Variants in SYNE1 observed in about 807,000 individuals in gnomAD.
SYNE1 encodes spectrin repeat containing nuclear envelope protein 1.
SYNE1 carries 616 observed loss-of-function variants against 1,111.0 expected under a neutral mutation model. That is an observed-to-expected ratio of 0.55 (90% CI 0.52 to 0.59). The LOEUF is 0.59. Ranked by LOEUF, SYNE1 falls within the 20% of genes least tolerant of loss-of-function variation. The pLI is 0.00. For missense variants in SYNE1, 10,006 were observed against 10,417.0 expected (o/e 0.96, Z 1.72); for synonymous variants, 3,855 against 3,825.8 (o/e 1.01, Z -0.28).
At chr6:152,480,595 A>G (rs776050535) in intron 14 of SYNE1, among the ~76,000 whole-genome samples, 3 of 152,214 alleles carry the variant, frequency 2.0e-5, no homozygotes, top group Non-Finnish European at 4.4e-5. Context: ...ATATTTTTCA[A>G]TAAATGAGAA....
Position 152,331,445 on chromosome 6 carries a change from C to A in SYNE1, c.13240G>T (p.Asp4414Tyr), listed in dbSNP as rs769887942. The A allele has an allele frequency of 3.7e-6, 6 of 1,614,208 alleles. No individual in the cohort carries two copies. The East Asian group carries it at 1.1e-4, about 30-fold the overall frequency. The change falls in exon 78 of 146, where the codon GAT becomes TAT. Residue 4414 changes from aspartate to tyrosine, a missense_variant. By Grantham distance (160) the Asp-to-Tyr change is radical. Around this residue, in one of 7 missense-constraint regions of SYNE1, gnomAD observed 4,955 missense variants for 5,017.2 expected, o/e 0.99. Transcript: ENST00000367255. ...ACCTGTCGCTCATTGAGACCAAGATCTGCCATGACCCTGTCTGCGTCCTTT... is the reference window on the plus strand; with the variant it reads ...ACCTGTCGCTCATTGAGACCAAGATATGCCATGACCCTGTCTGCGTCCTTT... ...LIKDADRVMA[D>Y]LGLNERQVIQ...
Position 152,346,793 on chromosome 6 carries a change from G to A in SYNE1, c.12078+266C>T, listed in dbSNP as rs1450546615. Among the ~76,000 whole-genome samples the A allele has an allele frequency of 3.9e-5, 6 of 152,246 alleles. 1 individual carries two copies. The highest frequency in any genetic ancestry group is 3.9e-4 in the East Asian group (2 of 5,132). On this transcript the variant is annotated intron_variant, in intron 73 of 145. Transcript: ENST00000367255. ...CCACTGCACTCCAGCCTGTGCGACA[G>A]AGTGAGACTCCGTCTCAAACAAAAC...
intron 104 of SYNE1, among the ~76,000 whole-genome samples, chr6:152,253,286 A>G (rs542752484): frequency 1.2e-4 from 19 of 152,320 alleles, no homozygotes; most frequent in African/African-American, 4.3e-4. Context: ...CACTGAAGTA[A>G]TTTAATCTTT....
intron 3 of SYNE1, among the ~76,000 whole-genome samples, chr6:152,627,946 T>G (rs529802092): frequency 4.0e-4 from 58 of 146,138 alleles, no homozygotes; most frequent in African/African-American, 1.5e-3. Context: ...GTCACTGGTA[T>G]TATTGAACAA....
At chr6:152,172,566 C>T (rs905447212) in intron 130 of SYNE1, among the ~76,000 whole-genome samples, 17 of 152,138 alleles carry the variant, frequency 1.1e-4, no homozygotes, top group African/African-American at 7.2e-5. Flanking sequence ...GTTACTAATT[C>T]GTTGTCTGTG....
chr6:152,182,592 T>C (rs1236543178), intron 128 of SYNE1, among the ~76,000 whole-genome samples: 1 of 152,238 alleles, frequency 6.6e-6, no homozygotes, highest in Non-Finnish European at 1.5e-5. Context: ...ATTTCCTTTT[T>C]AAAATGAAAA....
At chr6:152,193,659 T>C (rs886445532) in intron 127 of SYNE1, among the ~76,000 whole-genome samples, 5 of 152,158 alleles carry the variant, frequency 3.3e-5, no homozygotes, top group Admixed American at 3.3e-4. Context: ...TGTCTATATA[T>C]TGAAAAGTTG....
intron 130 of SYNE1, among the ~76,000 whole-genome samples, chr6:152,173,047 T>C (rs571536131): frequency 2.6e-5 from 4 of 152,344 alleles, no homozygotes; most frequent in Admixed American, 2.0e-4. Flanking sequence ...CTAGAAAGTA[T>C]GGAAAGGACA....
chr6:152,145,311 T>A (rs911529943), intron 137 of SYNE1: 4 of 680,862 alleles, frequency 5.9e-6, no homozygotes, highest in Admixed American at 2.4e-5. Context: ...ATTAGTGAAA[T>A]CTTATTCTTG....
intron 3 of SYNE1, among the ~76,000 whole-genome samples, chr6:152,614,196 G>A (rs1029401264): frequency 2.0e-5 from 3 of 152,128 alleles, no homozygotes; most frequent in African/African-American, 7.2e-5. Context: ...AGAGTGAACA[G>A]GCAACCTACA....
chr6:152,255,202 C>T, intron 103 of SYNE1, 113 bp from the exon 104 acceptor site: 1 of 957,324 alleles, frequency 1.0e-6, no homozygotes, highest in Non-Finnish European at 1.6e-6. Flanking sequence ...TAGTAATAAT[C>T]AGACCTAAGA....
intron 10 of SYNE1, among the ~76,000 whole-genome samples, chr6:152,501,567 C>T (rs976183809): frequency 4.6e-5 from 7 of 151,990 alleles, no homozygotes; most frequent in African/African-American, 1.7e-4. Flanking sequence ...AACCCAATCT[C>T]TACTAGAAAC....
At chr6:152,448,964 G>C (rs2098622185) in intron 28 of SYNE1, among the ~76,000 whole-genome samples, 1 of 152,202 alleles carries the variant, frequency 6.6e-6, no homozygotes, top group African/African-American at 2.4e-5. Flanking sequence ...GTTCAAAGAT[G>C]AAGACTTTTT....
At chr6:152,229,454 C>CAAGCA (rs2082269151) in intron 115 of SYNE1, among the ~76,000 whole-genome samples, 1 of 152,122 alleles carries the variant, frequency 6.6e-6, no homozygotes, top group South Asian at 2.1e-4. Flanking sequence ...CAGAGTAGAA[C>CAAGCA]AAGCACACTC....
rs746026703 is a variant in SYNE1 at position 152,310,673 on chromosome 6, T to C, written c.16896+15A>G. The C allele has an allele frequency of 3.7e-5, 60 of 1,611,726 alleles. 1 individual carries two copies. The stretch of plus-strand genomic sequence containing the variant: ...TAGACATTTTTTTCTGTTTCTTTTT[T>C]TTTTCTTTTTTTACCTTAGCTGCAT... On this transcript the variant is annotated intron_variant, in intron 88 of 145. Coordinates refer to ENST00000367255, the MANE Select transcript of SYNE1 (RefSeq NM_182961.4).
chr6:152,435,691 A>G (rs2098467786), intron 33 of SYNE1: 2 of 572,586 alleles, frequency 3.5e-6, no homozygotes, highest in East Asian at 5.6e-5. Flanking sequence ...TAGAATAGAT[A>G]TGGCTTTCTC....
At chr6:152,338,885 T>C (rs1039037544) in intron 75 of SYNE1, among the ~76,000 whole-genome samples, 1 of 152,026 alleles carries the variant, frequency 6.6e-6, no homozygotes, top group Non-Finnish European at 1.5e-5. Context: ...GCCCCTTTCA[T>C]ATTAAGTATT....
intron 25 of SYNE1, among the ~76,000 whole-genome samples, chr6:152,452,014 A>C (rs530548978): frequency 6.6e-6 from 1 of 150,728 alleles, no homozygotes; most frequent in African/African-American, 2.4e-5. Context: ...AAAGAAAAGA[A>C]AAAAAAAAAG....
intron 63 of SYNE1, 51 bp downstream of exon 63, chr6:152,364,796 A>G: frequency 6.2e-7 from 1 of 1,612,188 alleles, no homozygotes; most frequent in Non-Finnish European, 8.5e-7. Context: ...GTAGTATTAT[A>G]TTGATCTTTT....
Sources: gnomAD v4.1 joint callset for allele counts (sites outside exome capture counted in the v4.1 genomes callset) on GRCh38, gnomAD v4.1.1 for gene constraint, gnomAD v4.1.1 regional missense constraint, MANE v1.5 for transcripts, NCBI Gene and HGNC (gene_info 2026-07-23, HGNC 2026-07-21) for gene names.